ZNF512B: variants seen among roughly 807,000 people sequenced by gnomAD.
ZNF512B encodes zinc finger protein 512B.
A neutral mutation model predicts 87.8 loss-of-function variants in ZNF512B; 22 were observed. The observed-to-expected ratio is 0.25, with a 90% CI of 0.18 to 0.36. The LOEUF is 0.36. Among genes scored for constraint, ZNF512B ranks in the 10% least tolerant of loss-of-function variants. ZNF512B has a pLI of 1.00. For missense variants in ZNF512B, 1,060 were observed against 1,231.6 expected, an observed-to-expected ratio of 0.86 and a Z score of 2.09; for synonymous variants, 524 against 490.9, an observed-to-expected ratio of 1.07 and a Z score of -0.89.
At position 63,957,648 on chromosome 20, in the gene ZNF512B, G is replaced by A. The variant is rs982610072; in HGVS notation, c.*2240C>T. 6.5e-6 allele frequency: 1 copy of A among 152,730 alleles called. No individual in the cohort carries two copies. Among genetic ancestry groups the A allele is most frequent in the African/African-American group, 2.4e-5 (1 of 41,426 alleles). 9.5% of individuals were successfully genotyped at this position (152,730 alleles called of 1,614,324 possible). On this transcript the variant is annotated 3_prime_UTR_variant, in exon 17 of 17. Coordinates refer to ENST00000369888, the MANE Select transcript of ZNF512B (RefSeq NM_020713.3). ...ACCAGGGATTATCTGTGGGCTTTGGGAGTGTCCCGGAAACTCACCCCCAGC... is the reference window on the plus strand; with the variant it reads ...ACCAGGGATTATCTGTGGGCTTTGGAAGTGTCCCGGAAACTCACCCCCAGC...
rs150966051 is a variant in ZNF512B at position 63,966,643 on chromosome 20, T to C, written c.532A>G (p.Arg178Gly). 6.8e-3 allele frequency: 11,031 copies of C among 1,613,374 alleles called. 36 individuals are homozygous for C. Among genetic ancestry groups the C allele is most frequent in the Non-Finnish European group, 8.5e-3 (10,066 of 1,179,932 alleles). Residue 178 changes from arginine to glycine, a missense_variant, in exon 5 of 17, where the codon AGG (arginine) becomes GGG (glycine). Transcript: ENST00000369888. ...ACAGGCCGGCTGATGGTGACCGGCCTGCTGATGGGCCCAGGCTTGGAGGCA... is the reference window on the plus strand; with the variant it reads ...ACAGGCCGGCTGATGGTGACCGGCCCGCTGATGGGCCCAGGCTTGGAGGCA... Reference protein sequence around the residue: ...LPASKPGPISRPVTISRPVGV... With the variant: ...LPASKPGPISGPVTISRPVGV...
intron 14 of ZNF512B, 26 bp from the exon 15 acceptor site, chr20:63,962,030 A>T: frequency 8.4e-6 from 13 of 1,550,378 alleles, no homozygotes; most frequent in Admixed American, 2.0e-5. Context: ...CCGTGGGCGA[A>T]GGCCTCTGGT....
intron 16 of ZNF512B, among the ~76,000 whole-genome samples, chr20:63,960,916 G>C (rs1824472970): frequency 2.0e-5 from 3 of 147,858 alleles, no homozygotes; most frequent in Non-Finnish European, 4.5e-5. Context: ...TTCAGGACCA[G>C]GCAAGCACCT....
Position 63,961,915 on chromosome 20 carries a change from G to A in ZNF512B, c.2328+27C>T, listed in dbSNP as rs1430206880. 1 of 1,550,280 alleles carries A rather than the reference G, an allele frequency of 6.5e-7. No homozygotes were observed. ...TGGGAGCTCTGAGTGCAGCGCACCT[G>A]GCCGTGGGGCAGGCCCCAGAACTGA... On this transcript the variant is annotated intron_variant, in intron 15 of 16. Coordinates refer to ENST00000369888, the MANE Select transcript of ZNF512B (RefSeq NM_020713.3). The surrounding 1 kb of genome is among the most constrained non-coding windows in gnomAD (Gnocchi z 6.4).
chr20:63,966,531 G>T lies in ZNF512B; in HGVS notation c.644C>A (p.Pro215Gln). Residue 215 changes from proline (P) to glutamine (Q), a missense_variant, in exon 5 of 17, where the codon CCA (proline) becomes CAA (glutamine). By Grantham distance (76) the Pro-to-Gln change is moderately conservative. Coordinates refer to ENST00000369888, the MANE Select transcript of ZNF512B (RefSeq NM_020713.3). Reference protein sequence around the residue: ...GVSKPIGISKPVSVGRPMPVT... With the variant: ...GVSKPIGISKQVSVGRPMPVT... ...TGGCATGGGTCTGCCGACCGAGACT[G>T]GCTTGCTGATGCCAATGGGTTTGCT... is the stretch of plus-strand genomic sequence containing the variant. 6.2e-7 allele frequency: 1 copy of T among 1,614,088 alleles called. No individual in the cohort carries two copies. Among genetic ancestry groups the T allele is most frequent in the Non-Finnish European group, 8.5e-7 (1 of 1,180,030 alleles).
rs746225678 is a variant in ZNF512B, at chr20:63,964,189, T to G, written c.1362A>C (p.Arg454=). The G allele has an allele frequency of 2.5e-6, 4 of 1,599,310 alleles. No homozygotes were observed. In the African/African-American group the frequency reaches 4.0e-5, roughly 16 times the overall value. The change falls in exon 8 of 17, where the codon CGA becomes CGC. Residue 454 remains arginine, a synonymous_variant. Transcript: ENST00000369888. ...KGLVKAEDKA[R]VHRSKKQEGP... is the part of the protein sequence containing the mutation. ...CCTCCTGCTTCTTGGAGCGGTGAAC[T>G]CGGGCCTTGTCCTCAGCTTTGACCA...
At chr20:63,963,461 G>A (rs770392229) in intron 10 of ZNF512B, 21 bp from the exon 11 acceptor site, 43 of 1,546,190 alleles carry the variant, frequency 2.8e-5, no homozygotes, top group Middle Eastern at 4.4e-4. Context: ...GGTGAGCATC[G>A]GTGACCCGGC....
Position 63,964,310 on chromosome 20 carries a change from G to A in ZNF512B, c.1333+10C>T. Reference sequence around the variant, plus strand: ...CAGCCCTGGAGGTGCACACCGGGCTGGGGTCTTACCTTTGAGCCCAAAGGT... The same window carrying A: ...CAGCCCTGGAGGTGCACACCGGGCTAGGGTCTTACCTTTGAGCCCAAAGGT... On this transcript the variant is annotated intron_variant, in intron 7 of 16. Transcript: ENST00000369888. The A allele has an allele frequency of 6.2e-7, 1 of 1,613,930 alleles. No individual in the cohort carries two copies. The highest frequency in any genetic ancestry group is 1.1e-5 in the South Asian group (1 of 91,086).
intron 2 of ZNF512B, 119 bp from the exon 3 acceptor site, chr20:63,967,642 C>A: frequency 6.7e-7 from 1 of 1,483,020 alleles, no homozygotes; most frequent in African/African-American, 1.4e-5. Flanking sequence ...GCAGGGGCTG[C>A]GGCCAGCTGA....
chr20:63,963,387 C>T lies in ZNF512B; in HGVS notation c.1752G>A (p.Leu584=). 1 of 1,549,502 alleles carries T rather than the reference C, an allele frequency of 6.5e-7. No homozygotes were observed. The highest frequency in any genetic ancestry group is 8.7e-7 in the Non-Finnish European group (1 of 1,152,598). Residue 584 remains leucine, a synonymous_variant, in exon 11 of 17, where the codon CTG becomes CTA. Coordinates refer to ENST00000369888, the MANE Select transcript of ZNF512B (RefSeq NM_020713.3). ...GTCCCATCTGCTTCAGCACCTTGCG[C>T]AGCCTCTCGCGCTCCTCCTGCTCGC... ...EGGEQEERER[L]RKVLKQMGRL...
rs773293543 is a variant in ZNF512B, at chr20:63,959,940, G to A, written c.2627C>T (p.Ala876Val). The A allele has an allele frequency of 2.5e-6, 4 of 1,608,522 alleles. No individual in the cohort carries two copies. Among genetic ancestry groups the A allele is most frequent in the Middle Eastern group, 1.7e-4 (1 of 6,054 alleles). ...CACCTTCCGGCCGGTGGAGCCCCGG[G>A]CCCCCTTGTCTCTGCATCCTGGAGG... Reference protein sequence around the residue: ...DWPPGCRDKGARGSTGRKVGV... With the variant: ...DWPPGCRDKGVRGSTGRKVGV... Residue 876 changes from alanine to valine, a missense_variant, in exon 17 of 17, where the codon GCC (alanine) becomes GTC (valine). This residue lies in a region of ZNF512B where 253 missense variants were observed against 259.2 expected (regional missense o/e 0.98). Transcript: ENST00000369888.
intron 1 of ZNF512B, chr20:63,968,991 A>T: frequency 4.3e-6 from 2 of 468,830 alleles, no homozygotes; most frequent in Non-Finnish European, 5.6e-6. Context: ...GCTTCTAATT[A>T]ACTTGGATCC....
intron 2 of ZNF512B, 94 bp downstream of exon 2, chr20:63,967,736 G>A: frequency 6.5e-7 from 1 of 1,545,924 alleles, no homozygotes. Flanking sequence ...GCCTAGCTGG[G>A]TACCTGGAGA....
At position 63,967,358 on chromosome 20, in the gene ZNF512B, A is replaced by G. The variant is rs535591794; in HGVS notation, c.264+23T>C. 9.5e-6 allele frequency: 15 copies of G among 1,574,794 alleles called. No individual in the cohort carries two copies. In the African/African-American group the frequency reaches 1.2e-4, roughly 13 times the overall value. ...ATAGGGAGACCCCAGCATGAGCCCC[A>G]CCATGGCCCTGAGGGAGCTCACAGG... On this transcript the variant is annotated intron_variant, in intron 3 of 16. Transcript: ENST00000369888.
In ZNF512B at chr20:63,960,070, C is replaced by T. The variant is rs749224511; in HGVS notation, c.2497G>A (p.Glu833Lys). 2.4e-5 allele frequency: 38 copies of T among 1,613,908 alleles called. No individual in the cohort carries two copies. Among genetic ancestry groups the T allele is most frequent in the Non-Finnish European group, 3.1e-5 (37 of 1,180,028 alleles). The change falls in exon 17 of 17, where the codon GAA becomes AAA. Residue 833 changes from glutamate (E) to lysine (K), a missense_variant. Coordinates refer to ENST00000369888, the MANE Select transcript of ZNF512B (RefSeq NM_020713.3). ...RSQDSLVPKK[E>K]KKKNLAGGKK... ...CCACCTGCCAGATTTTTCTTCTTTT[C>T]CTTCTTGGGCACCAATGAGTCCTGG...
At position 63,959,792 on chromosome 20, in the gene ZNF512B, G is replaced by T; in HGVS notation, c.*96C>A. On this transcript the variant is annotated 3_prime_UTR_variant, in exon 17 of 17. Coordinates refer to ENST00000369888, the MANE Select transcript of ZNF512B (RefSeq NM_020713.3). ...GACGGATGAAGAGGCGGGGGTGGGGGATGGAGAACTGGAGGACAGAGGTCC... is the reference window on the plus strand; with the variant it reads ...GACGGATGAAGAGGCGGGGGTGGGGTATGGAGAACTGGAGGACAGAGGTCC... 2.1e-6 allele frequency: 3 copies of T among 1,447,786 alleles called. No individual in the cohort carries two copies. The South Asian group carries it at 4.2e-5, about 20-fold the overall frequency. 89.7% of individuals were successfully genotyped at this position (1,447,786 alleles called of 1,614,324 possible).
chr20:63,964,707 G>A lies in ZNF512B; in HGVS notation c.1044C>T (p.Asp348=), dbSNP rs774553910. 6.2e-7 allele frequency: 1 copy of A among 1,611,092 alleles called. No homozygotes were observed. Among genetic ancestry groups the A allele is most frequent in the South Asian group, 1.1e-5 (1 of 90,966 alleles). The change falls in exon 6 of 17, where the codon GAC becomes GAT. Residue 348 remains aspartate, a synonymous_variant. Transcript: ENST00000369888. ...GTGGAATTGGGCAGGTGTCCAGGCT[G>A]TCCGCAGCCCTGCAGGGAGCAGGTG... ...GRNSGKKRAA[D]SLDTCPIPPK... is the part of the protein sequence containing the mutation.
rs200497391 is a variant in ZNF512B, at chr20:63,960,055, G to A, written c.2512C>T (p.Leu838=). Reference sequence around the variant, plus strand: ...CGGCCCCGCTTCTTTCCACCTGCCAGATTTTTCTTCTTTTCCTTCTTGGGC... The same window carrying A: ...CGGCCCCGCTTCTTTCCACCTGCCAAATTTTTCTTCTTTTCCTTCTTGGGC... ...LVPKKEKKKN[L]AGGKKRGRKP... is the part of the protein sequence containing the mutation. The change falls in exon 17 of 17, where the codon CTG becomes TTG. Residue 838 remains leucine (L), a synonymous_variant. Coordinates refer to ENST00000369888, the MANE Select transcript of ZNF512B (RefSeq NM_020713.3). 8 of 1,614,008 alleles carry A rather than the reference G, an allele frequency of 5.0e-6. No homozygotes were observed. The Admixed American group carries it at 1.0e-4, about 20-fold the overall frequency.
rs761186555 is a variant in ZNF512B at position 63,957,048 on chromosome 20, C to G, written c.*2840G>C. On this transcript the variant is annotated 3_prime_UTR_variant, in exon 17 of 17. Transcript: ENST00000369888. Reference sequence around the variant, plus strand: ...GAAAGCCTGGGGCCCCAGACCCGGGCCTGGGGGAGCCGCCTGGGGCCCCGC... The same window carrying G: ...GAAAGCCTGGGGCCCCAGACCCGGGGCTGGGGGAGCCGCCTGGGGCCCCGC... 6.6e-5 allele frequency: 10 copies of G among 152,406 alleles called. No individual in the cohort carries two copies. The highest frequency in any genetic ancestry group is 1.3e-4 in the Non-Finnish European group (9 of 68,026). 9.4% of individuals were successfully genotyped at this position (152,406 alleles called of 1,614,324 possible). A position where few individuals can be genotyped will look rare whatever the true frequency, so the allele number is the denominator to read the frequency against.
Sources: gnomAD v4.1 joint callset for allele counts (sites outside exome capture counted in the v4.1 genomes callset) on GRCh38, gnomAD v4.1.1 for gene constraint, gnomAD v4.1.1 regional missense constraint, Gnocchi (gnomAD v3.1) non-coding constraint, MANE v1.5 for transcripts, NCBI Gene and HGNC (gene_info 2026-07-23, HGNC 2026-07-21) for gene names.